The following ZDHHC15 variants were observed in gnomAD, a reference collection of about 807,000 sequenced individuals.
ZDHHC15 encodes palmitoyltransferase ZDHHC15.
ZDHHC15 carries 19 observed loss-of-function variants against 31.7 expected under a neutral mutation model. That is an observed-to-expected ratio of 0.60 (90% CI 0.42 to 0.88). ZDHHC15 has a LOEUF of 0.88. Ranked by LOEUF, ZDHHC15 falls within the 40% of genes least tolerant of loss-of-function variation. The pLI is 0.00. For missense variants in ZDHHC15, 209 were observed against 251.2 expected, an observed-to-expected ratio of 0.83 and a Z score of 1.14; for synonymous variants, 103 against 90.0, an observed-to-expected ratio of 1.14 and a Z score of -0.82.
At chrX:75,460,942 C>T (rs1175813989) in intron 3 of ZDHHC15, among the ~76,000 whole-genome samples, 1 of 111,540 alleles carries the variant, frequency 9.0e-6, no homozygotes, top group South Asian at 3.7e-4. Context: ...GGTTAAGATG[C>T]CTGAATTGAC....
At chrX:75,404,990 A>G (rs564128284) in intron 10 of ZDHHC15, among the ~76,000 whole-genome samples, 4 of 112,341 alleles carry the variant, frequency 3.6e-5, no homozygotes, top group Middle Eastern at 4.6e-3. Flanking sequence ...ATGCCCATCA[A>G]TGACAGACTG....
Position 75,372,238 on chromosome X carries a change from G to A in ZDHHC15, c.*740C>T, listed in dbSNP as rs924296683. ...AACACTGGTTATTATGTTCAATAAA[G>A]TTTATGTCCTGAATTTGATCTTCTT... On this transcript the variant is annotated 3_prime_UTR_variant, in exon 12 of 12. Transcript: ENST00000373367. The A allele has an allele frequency of 3.6e-5, 4 of 112,060 alleles. No individual in the cohort carries two copies. The highest frequency in any genetic ancestry group is 6.5e-5 in the African/African-American group (2 of 30,858). The allele number at this position is 112,060 out of a possible 1,213,427, so 9.2% of individuals were successfully genotyped here. A position where few individuals can be genotyped will look rare whatever the true frequency, so the allele number is the denominator to read the frequency against.
chrX:75,438,198 A>C, intron 4 of ZDHHC15, among the ~76,000 whole-genome samples: 1 of 111,861 alleles, frequency 8.9e-6, no homozygotes, highest in Non-Finnish European at 1.9e-5. Context: ...AAACTAGTTC[A>C]ACCATTGTGG....
At chrX:75,409,717 C>T (rs2083462417) in intron 10 of ZDHHC15, among the ~76,000 whole-genome samples, 1 of 99,127 alleles carries the variant, frequency 1.0e-5, no homozygotes, top group Non-Finnish European at 2.0e-5. Context: ...ATGGCATGAA[C>T]CTGGGAGGTG....
At chrX:75,456,360 G>T (rs1330024268) in intron 3 of ZDHHC15, among the ~76,000 whole-genome samples, 2 of 107,547 alleles carry the variant, frequency 1.9e-5, no homozygotes, top group Non-Finnish European at 3.8e-5. Context: ...TCATGGGGTG[G>T]GGGGCTGGGG....
At chrX:75,477,059 T>G (rs2084616736) in intron 3 of ZDHHC15, among the ~76,000 whole-genome samples, 1 of 111,349 alleles carries the variant, frequency 9.0e-6, no homozygotes, top group African/African-American at 3.3e-5. Flanking sequence ...ATCCCCTAAT[T>G]TCTGTTAAGT....
chrX:75,376,932 CA>C (rs1403554061), intron 11 of ZDHHC15, among the ~76,000 whole-genome samples: 1 of 110,801 alleles, frequency 9.0e-6, no homozygotes, highest in Non-Finnish European at 1.9e-5. Context: ...ACATTTTAAA[CA>C]CAAGGGATTC....
At chrX:75,488,997 A>G (rs1238629367) in intron 2 of ZDHHC15, among the ~76,000 whole-genome samples, 2 of 111,743 alleles carry the variant, frequency 1.8e-5, no homozygotes, top group African/African-American at 6.5e-5. Flanking sequence ...AGCCTCCTTC[A>G]TTGCTAGCAC....
At chrX:75,451,984 A>G (rs1318364535) in intron 3 of ZDHHC15, among the ~76,000 whole-genome samples, 2 of 111,383 alleles carry the variant, frequency 1.8e-5, no homozygotes, top group African/African-American at 3.3e-5. Context: ...TAATGGGCAA[A>G]ATAACCAGCT....
intron 3 of ZDHHC15, among the ~76,000 whole-genome samples, chrX:75,469,695 A>G (rs1474013239): frequency 8.9e-6 from 1 of 111,818 alleles, no homozygotes; most frequent in Non-Finnish European, 1.9e-5. Flanking sequence ...ATATACAGCC[A>G]TCTCTTTGAG....
chrX:75,461,292 A>G (rs1314335098), intron 3 of ZDHHC15, among the ~76,000 whole-genome samples: 1 of 111,897 alleles, frequency 8.9e-6, no homozygotes, highest in East Asian at 2.8e-4. Context: ...ATATAAAGAG[A>G]GCAAACCTAC....
At chrX:75,492,140 T>C (rs2084907708) in intron 2 of ZDHHC15, among the ~76,000 whole-genome samples, 1 of 110,601 alleles carries the variant, frequency 9.0e-6, no homozygotes, top group South Asian at 3.9e-4. Flanking sequence ...GGGGTTGCAA[T>C]CCTAGGCTCT....
At chrX:75,519,178 TA>T (rs887603286) in intron 1 of ZDHHC15, among the ~76,000 whole-genome samples, 1 of 110,544 alleles carries the variant, frequency 9.0e-6, no homozygotes, top group African/African-American at 3.3e-5. Flanking sequence ...GGCGAACACT[TA>T]AAAATGGTTA....
intron 2 of ZDHHC15, among the ~76,000 whole-genome samples, chrX:75,488,597 A>T (rs1208948318): frequency 8.9e-6 from 1 of 112,451 alleles, no homozygotes; most frequent in East Asian, 2.8e-4. Context: ...AGGACATATT[A>T]AAAAATAACA....
chrX:75,475,492 A>C (rs2084589988), intron 3 of ZDHHC15, among the ~76,000 whole-genome samples: 1 of 112,147 alleles, frequency 8.9e-6, no homozygotes, highest in African/African-American at 3.2e-5. Flanking sequence ...TCTCCATTAG[A>C]ATGCTTTTAG....
At position 75,369,981 on chromosome X, in the gene ZDHHC15, AT is replaced by A. The variant is rs1292048703; in HGVS notation, c.*2996del. ...CTGTACCATGGGGAACAATTTTTTTATTCTGTCTCTTTCTGAGGACGCTGTT... is the reference window on the plus strand; with the variant it reads ...CTGTACCATGGGGAACAATTTTTTTATCTGTCTCTTTCTGAGGACGCTGTT... On this transcript the variant is annotated 3_prime_UTR_variant, in exon 12 of 12. Coordinates refer to ENST00000373367, the MANE Select transcript of ZDHHC15 (RefSeq NM_144969.3). The A allele has an allele frequency of 9.0e-6, 1 of 111,522 alleles. No homozygotes were observed. Among genetic ancestry groups the A allele is most frequent in the East Asian group, 2.8e-4 (1 of 3,531 alleles). 9.2% of individuals were successfully genotyped at this position (111,522 alleles called of 1,213,427 possible).
chrX:75,492,553 T>G (rs1359064990), intron 2 of ZDHHC15, among the ~76,000 whole-genome samples: 2 of 111,565 alleles, frequency 1.8e-5, no homozygotes, highest in Admixed American at 1.9e-4. Context: ...TCGGCAAATG[T>G]AAAAGAACAG....
chrX:75,462,056 A>C (rs1234759726), intron 3 of ZDHHC15, among the ~76,000 whole-genome samples: 1 of 112,131 alleles, frequency 8.9e-6, no homozygotes, highest in Non-Finnish European at 1.9e-5. Context: ...AAAGACACAC[A>C]TAGGCTCAAA....
intron 10 of ZDHHC15, among the ~76,000 whole-genome samples, chrX:75,386,572 C>G (rs2083182098): frequency 1.8e-5 from 2 of 110,792 alleles, no homozygotes; most frequent in Non-Finnish European, 3.8e-5. Flanking sequence ...CTCCTGGGCT[C>G]AAGCGATCCT....
Sources: allele counts gnomAD v4.1 joint callset (sites outside exome capture counted in the v4.1 genomes callset), GRCh38; gene constraint gnomAD v4.1.1; transcripts MANE v1.5; gene names NCBI Gene and HGNC (gene_info 2026-07-23, HGNC 2026-07-21).